The following BICRAL variants were observed in gnomAD, a reference collection of about 807,000 sequenced individuals.
BICRAL encodes BICRA like chromatin remodeling complex associated protein, also known as BRD4-interacting chromatin-remodeling complex-associated protein-like.
Under a neutral mutation model 91.8 loss-of-function variants are expected in BICRAL, and 8 were observed. The observed-to-expected ratio is 0.09, with a 90% CI of 0.05 to 0.16. BICRAL has a LOEUF of 0.16. Among genes scored for constraint, BICRAL ranks in the 10% least tolerant of loss-of-function variants. BICRAL has a pLI of 1.00. For missense variants in BICRAL, 1,038 were observed against 1,310.9 expected (o/e 0.79, Z 3.21); for synonymous variants, 445 against 491.1 (o/e 0.91, Z 1.24).
At chr6:42,802,296 A>G (rs999007259) in intron 1 of BICRAL, among the ~76,000 whole-genome samples, 14 of 152,226 alleles carry the variant, frequency 9.2e-5, no homozygotes, top group Non-Finnish European at 1.3e-4. Context: ...ATATGCATAA[A>G]TATTTTCCTG....
chr6:42,801,205 C>G (rs569429216), intron 1 of BICRAL, among the ~76,000 whole-genome samples: 79 of 142,824 alleles, frequency 5.5e-4, no homozygotes, highest in African/African-American at 2.0e-3. Flanking sequence ...GAGCCGAGAT[C>G]AAGCCACTGC....
chr6:42,796,276 G>A (rs543646455), intron 1 of BICRAL, among the ~76,000 whole-genome samples: 1 of 152,292 alleles, frequency 6.6e-6, no homozygotes, highest in Non-Finnish European at 1.5e-5. Context: ...GGTCATGATT[G>A]TCTTTGAGCA....
At chr6:42,751,772 C>G (rs1336710522) in intron 1 of BICRAL, among the ~76,000 whole-genome samples, 1 of 151,528 alleles carries the variant, frequency 6.6e-6, no homozygotes, top group Non-Finnish European at 1.5e-5. Context: ...ATTTTCCTGC[C>G]TCAGCCTCCC....
upstream of BICRAL, among the ~76,000 whole-genome samples, chr6:42,778,618 C>T (rs187917500): frequency 1.6e-3 from 246 of 152,248 alleles, 1 homozygote; most frequent in African/African-American, 5.5e-3. Flanking sequence ...GGTCATTTTT[C>T]AAAGTCAGAT....
chr6:42,828,642 C>T lies in BICRAL; in HGVS notation c.309C>T (p.Phe103=), dbSNP rs372828424. 7 of 1,613,896 alleles carry T rather than the reference C, an allele frequency of 4.3e-6. No homozygotes were observed. The highest frequency in any genetic ancestry group is 1.3e-5 in the African/African-American group (1 of 74,868). The change falls in exon 6 of 13, where the codon TTC becomes TTT. Residue 103 remains phenylalanine (F), a synonymous_variant. Transcript: ENST00000314073. ...CTGATCTCACTGAGGACCAACCTTT[C>T]GACATTCTTCAGAAATCCTTGCAAG... ...PLPDLTEDQP[F]DILQKSLQEA... is the part of the protein sequence containing the mutation.
intron 1 of BICRAL, among the ~76,000 whole-genome samples, chr6:42,771,628 A>G (rs1233569506): frequency 1.3e-5 from 2 of 152,030 alleles, no homozygotes; most frequent in Non-Finnish European, 2.9e-5. Flanking sequence ...ACCCGACAAA[A>G]TATTTTCTGA....
intron 11 of BICRAL, among the ~76,000 whole-genome samples, chr6:42,861,707 T>C (rs1054900434): frequency 6.6e-6 from 1 of 152,132 alleles, no homozygotes; most frequent in African/African-American, 2.4e-5. Flanking sequence ...TACTTAAAAT[T>C]ATGCCACCAG....
chr6:42,845,197 T>TG (rs1764963510), intron 6 of BICRAL, among the ~76,000 whole-genome samples: 1 of 11,868 alleles, frequency 8.4e-5, no homozygotes, highest in East Asian at 1.8e-3. Flanking sequence ...TTTTGGGTGT[T>TG]TTTTTTTTTT....
intron 1 of BICRAL, among the ~76,000 whole-genome samples, chr6:42,801,465 A>T (rs1029638545): frequency 2.0e-5 from 3 of 152,166 alleles, no homozygotes; most frequent in Non-Finnish European, 4.4e-5. Flanking sequence ...TGGGCTAGGA[A>T]TGCAAACGGC....
chr6:42,850,673 C>G (rs982020049), intron 6 of BICRAL, among the ~76,000 whole-genome samples: 2 of 151,856 alleles, frequency 1.3e-5, no homozygotes, highest in African/African-American at 4.8e-5. Flanking sequence ...ATAACAAGGT[C>G]AGGAGTTCGA....
chr6:42,822,472 C>G (rs1178773662), intron 3 of BICRAL, among the ~76,000 whole-genome samples: 1 of 150,072 alleles, frequency 6.7e-6, no homozygotes. Flanking sequence ...TGGTCTCCAA[C>G]TCCTAGACTG....
chr6:42,785,698 C>T (rs774790772), intron 1 of BICRAL, among the ~76,000 whole-genome samples: 1 of 152,110 alleles, frequency 6.6e-6, no homozygotes, highest in Non-Finnish European at 1.5e-5. Context: ...GTGGACATAT[C>T]TTCTGGGTTT....
chr6:42,790,924 G>A (rs1239833027), intron 1 of BICRAL, among the ~76,000 whole-genome samples: 1 of 152,028 alleles, frequency 6.6e-6, no homozygotes, highest in Non-Finnish European at 1.5e-5. Context: ...AGGTGAGAGA[G>A]CTGACTGCAA....
intron 1 of BICRAL, among the ~76,000 whole-genome samples, chr6:42,803,771 G>A (rs1461948914): frequency 4.6e-5 from 7 of 152,270 alleles, no homozygotes; most frequent in East Asian, 3.9e-4. Flanking sequence ...TGAGAAATGC[G>A]TCGCTAGACA....
intron 1 of BICRAL, among the ~76,000 whole-genome samples, chr6:42,749,435 G>A (rs979333631): frequency 2.6e-5 from 4 of 152,204 alleles, no homozygotes; most frequent in African/African-American, 9.6e-5. Context: ...AAAGGCACAA[G>A]TTAGATAGAG....
intron 1 of BICRAL, among the ~76,000 whole-genome samples, chr6:42,761,088 AC>A (rs1452071546): frequency 6.6e-6 from 1 of 152,210 alleles, no homozygotes; most frequent in Non-Finnish European, 1.5e-5. Context: ...ACTTTTCTGC[AC>A]CTGTTCTCTC....
intron 1 of BICRAL, among the ~76,000 whole-genome samples, chr6:42,786,265 A>G (rs926582507): frequency 6.6e-6 from 1 of 152,198 alleles, no homozygotes; most frequent in Admixed American, 6.5e-5. Flanking sequence ...GAATTATACC[A>G]TCTTTGCATA....
At chr6:42,839,506 A>G (rs73428494) in intron 6 of BICRAL, among the ~76,000 whole-genome samples, 1,556 of 152,026 alleles carry the variant, frequency 0.01, 23 homozygotes, top group African/African-American at 0.035. Flanking sequence ...CACAAAGTAG[A>G]CAAAGCACTG....
intron 1 of BICRAL, among the ~76,000 whole-genome samples, chr6:42,788,114 A>G (rs1011014173): frequency 5.9e-5 from 9 of 152,012 alleles, no homozygotes; most frequent in Non-Finnish European, 1.2e-4. Flanking sequence ...TGTAAAGAAG[A>G]AGGCTTTTCT....
Sources: allele counts gnomAD v4.1 joint callset (sites outside exome capture counted in the v4.1 genomes callset), GRCh38; gene constraint gnomAD v4.1.1; transcripts MANE v1.5; gene names NCBI Gene and HGNC (gene_info 2026-07-23, HGNC 2026-07-21).